The following CHRNA5 variants were observed in gnomAD, a reference collection of about 807,000 sequenced individuals.
The protein encoded by CHRNA5 is neuronal acetylcholine receptor subunit alpha-5.
A neutral mutation model predicts 41.2 loss-of-function variants in CHRNA5; 28 were observed. The ratio of observed to expected loss-of-function variants is 0.68; its 90% CI spans 0.50 to 0.93. The LOEUF is 0.93. Among genes scored for constraint, CHRNA5 ranks in the 40% least tolerant of loss-of-function variants. The pLI is 0.00. For synonymous variants in CHRNA5, 188 were observed against 205.8 expected (o/e 0.91, Z 0.74); for missense variants, 481 against 581.9 (o/e 0.83, Z 1.78).
At chr15:78,585,566 T>A (rs1204742696) in intron 2 of CHRNA5, among the ~76,000 whole-genome samples, 1 of 152,172 alleles carries the variant, frequency 6.6e-6, no homozygotes, top group Non-Finnish European at 1.5e-5. Flanking sequence ...TTGATTCTCC[T>A]GGCTCCATGA....
Position 78,592,942 on chromosome 15 carries a change from TC to T in CHRNA5, c.1246-147del, listed in dbSNP as rs553608776. 346 of 807,204 alleles carry T rather than the reference TC, an allele frequency of 4.3e-4. No individual in the cohort carries two copies. In the African/African-American group the frequency reaches 5.5e-3, roughly 13 times the overall value. 50.0% of individuals were successfully genotyped at this position (807,204 alleles called of 1,614,324 possible). On this transcript the variant is annotated intron_variant, in intron 5 of 5. Coordinates refer to ENST00000299565, the Ensembl canonical transcript of CHRNA5. ...TAGTAGACCTTCAGGCTAGTGTCTG[TC>T]CCTGAGCTGAGTATAGGGTCACTTA...
chr15:78,586,711 G>T, intron 3 of CHRNA5, 22 bp downstream of exon 3: 2 of 1,580,168 alleles, frequency 1.3e-6, no homozygotes, highest in Non-Finnish European at 1.7e-6. Context: ...AAATTCAAAC[G>T]GGCACCCAAT....
rs1200524514 is a variant in CHRNA5, at chr15:78,565,732, G to T, written c.13G>T (p.Gly5Trp). 3.4e-6 allele frequency: 4 copies of T among 1,183,560 alleles called. No homozygotes were observed. Among genetic ancestry groups the T allele is most frequent in the Non-Finnish European group, 4.2e-6 (4 of 956,778 alleles). 73.3% of individuals were successfully genotyped at this position (1,183,560 alleles called of 1,614,324 possible). Residue 5 changes from glycine (G) to tryptophan (W), a missense_variant, in exon 1 of 6, where the codon GGG becomes TGG. By Grantham distance (184) the Gly-to-Trp change is radical. Transcript: ENST00000299565. ...CGGGCGCGGGGCGATGGCGGCGCGG[G>T]GGTCAGGGCCCCGCGCGCTCCGCCT... is the stretch of plus-strand genomic sequence containing the variant.
chr15:78,584,802 A>T (rs973388760), intron 2 of CHRNA5, among the ~76,000 whole-genome samples: 1 of 152,192 alleles, frequency 6.6e-6, no homozygotes, highest in African/African-American at 2.4e-5. Context: ...AGGCATATTC[A>T]GATACAGGGA....
At chr15:78,586,674 C>A in exon 3 of CHRNA5, 1 of 1,602,768 alleles carries the variant, frequency 6.2e-7, no homozygotes, top group Non-Finnish European at 8.5e-7. Context: ...TGACAACAAA[C>A]GTCTGGTTGA....
At chr15:78,590,667 T>A in intron 5 of CHRNA5, 31 bp downstream of exon 5, 1 of 1,538,496 alleles carries the variant, frequency 6.5e-7, no homozygotes, top group Non-Finnish European at 8.8e-7. Context: ...AATGCAGATC[T>A]TCTTCCATTT....
chr15:78,568,999 TAC>T (rs1243773290), intron 1 of CHRNA5, among the ~76,000 whole-genome samples: 10 of 152,226 alleles, frequency 6.6e-5, no homozygotes, highest in Admixed American at 3.3e-4. Context: ...CTAACAGAAA[TAC>T]ACACATACTG....
intron 1 of CHRNA5, among the ~76,000 whole-genome samples, chr15:78,576,682 T>A (rs1216828726): frequency 6.7e-6 from 1 of 149,680 alleles, no homozygotes; most frequent in East Asian, 2.0e-4. Flanking sequence ...TGTGGGAGCT[T>A]GAGATAGGAG....
chr15:78,582,994 C>A (rs2052927237), intron 2 of CHRNA5, among the ~76,000 whole-genome samples: 1 of 152,158 alleles, frequency 6.6e-6, no homozygotes, highest in African/African-American at 2.4e-5. Flanking sequence ...TGAAATCTTT[C>A]CAGAATCCAT....
chr15:78,572,725 C>T (rs551038820), intron 1 of CHRNA5, among the ~76,000 whole-genome samples: 1 of 151,984 alleles, frequency 6.6e-6, no homozygotes, highest in Non-Finnish European at 1.5e-5. Context: ...TCAAGTGATC[C>T]CCCACCTCAG....
chr15:78,584,154 G>A, intron 2 of CHRNA5, among the ~76,000 whole-genome samples: 1 of 152,116 alleles, frequency 6.6e-6, no homozygotes. Context: ...CTCTGGAGAT[G>A]GAGAATGGCA....
chr15:78,587,359 C>T (rs1237432819), intron 3 of CHRNA5, among the ~76,000 whole-genome samples: 2 of 151,924 alleles, frequency 1.3e-5, no homozygotes, highest in Non-Finnish European at 2.9e-5. Context: ...TCAGAGAAAA[C>T]AGCATTGAGA....
chr15:78,590,618 G>A, exon 5 of CHRNA5: 1 of 1,611,364 alleles, frequency 6.2e-7, no homozygotes, highest in Admixed American at 1.7e-5. Context: ...ACATCATGAA[G>A]GAAAATGATG....
intron 2 of CHRNA5, among the ~76,000 whole-genome samples, chr15:78,584,189 G>A (rs1332710078): frequency 1.3e-5 from 2 of 152,178 alleles, no homozygotes; most frequent in South Asian, 2.1e-4. Context: ...TGTCTGAGAT[G>A]TTTTAGGTTC....
intron 1 of CHRNA5, among the ~76,000 whole-genome samples, chr15:78,571,542 T>C (rs1326129621): frequency 6.6e-6 from 1 of 151,278 alleles, no homozygotes; most frequent in East Asian, 1.9e-4. Flanking sequence ...ATTAAGATAA[T>C]GAACTCTGCA....
chr15:78,576,137 G>T (rs1435192063), intron 1 of CHRNA5, among the ~76,000 whole-genome samples: 1 of 151,884 alleles, frequency 6.6e-6, no homozygotes, highest in Admixed American at 6.6e-5. Context: ...TGTTTTGTTT[G>T]TTTGTTTTTT....
chr15:78,573,404 A>C (rs866922943), intron 1 of CHRNA5, among the ~76,000 whole-genome samples: 1 of 152,224 alleles, frequency 6.6e-6, no homozygotes, highest in Non-Finnish European at 1.5e-5. Context: ...ATGATATAAT[A>C]AGGTAAATAA....
At chr15:78,590,729 T>G (rs185109067) in intron 5 of CHRNA5, 93 bp downstream of exon 5, 1 of 1,003,716 alleles carries the variant, frequency 1.0e-6, no homozygotes, top group African/African-American at 1.6e-5. Flanking sequence ...AGCATGACCC[T>G]TAAGTAAGAC....
chr15:78,567,948 A>T (rs1298889153), intron 1 of CHRNA5, among the ~76,000 whole-genome samples: 4 of 152,182 alleles, frequency 2.6e-5, no homozygotes, highest in Non-Finnish European at 4.4e-5. Context: ...TGGAAATAGG[A>T]GACCTGCCAC....
Sources: allele counts gnomAD v4.1 joint callset (sites outside exome capture counted in the v4.1 genomes callset), GRCh38; gene constraint gnomAD v4.1.1; transcripts MANE v1.5; gene names NCBI Gene and HGNC (gene_info 2026-07-23, HGNC 2026-07-21).